Variants in MYO5A observed in about 807,000 individuals in gnomAD.
The protein encoded by MYO5A is unconventional myosin-Va.
In MYO5A, 98 loss-of-function variants were observed where a neutral mutation model predicts 249.7. That is an observed-to-expected ratio of 0.39 (90% CI 0.33 to 0.46). The LOEUF (loss-of-function observed/expected upper bound fraction) is 0.46. Among genes scored for constraint, MYO5A ranks in the 20% least tolerant of loss-of-function variants. The pLI is 0.98. For synonymous variants in MYO5A, 778 were observed against 810.6 expected (o/e 0.96, Z 0.68); for missense variants, 1,696 against 2,308.8 (o/e 0.73, Z 5.44).
intron 9 of MYO5A, among the ~76,000 whole-genome samples, chr15:52,399,511 A>C (rs564491683): frequency 5.1e-4 from 78 of 152,306 alleles, no homozygotes; most frequent in African/African-American, 1.9e-3. Flanking sequence ...TTTTGGCCTC[A>C]AAGTCTATTT....
intron 25 of MYO5A, among the ~76,000 whole-genome samples, chr15:52,359,704 A>C (rs983224623): frequency 6.6e-6 from 1 of 152,264 alleles, no homozygotes; most frequent in Non-Finnish European, 1.5e-5. Flanking sequence ...GAATTATAAA[A>C]ATAAAATCTC....
chr15:52,435,893 A>T (rs552271167), intron 1 of MYO5A, among the ~76,000 whole-genome samples: 2 of 152,344 alleles, frequency 1.3e-5, no homozygotes, highest in East Asian at 3.9e-4. Flanking sequence ...AGAAAACAGT[A>T]GGACAAATAG....
At chr15:52,369,320 T>A (rs561571884) in intron 22 of MYO5A, among the ~76,000 whole-genome samples, 5 of 152,330 alleles carry the variant, frequency 3.3e-5, no homozygotes, top group Admixed American at 6.5e-5. Flanking sequence ...CAACTCTGTT[T>A]TCATTTAAAG....
Position 52,341,268 on chromosome 15 carries a change from A to G in MYO5A, c.4041-874T>C, listed in dbSNP as rs2039370916. Among the ~76,000 whole-genome samples the G allele has an allele frequency of 3.3e-5, 5 of 152,226 alleles. No individual in the cohort carries two copies. In the South Asian group the frequency reaches 1.0e-3, roughly 31 times the overall value. ...TACAGATTTACCCGAATCCACACAAATAGTTCTGAAATTTCCTATATATAT... is the reference window on the plus strand; with the variant it reads ...TACAGATTTACCCGAATCCACACAAGTAGTTCTGAAATTTCCTATATATAT... On this transcript the variant is annotated intron_variant, in intron 31 of 41. Transcript: ENST00000399233.
At chr15:52,357,943 G>A (rs909870511) in intron 25 of MYO5A, among the ~76,000 whole-genome samples, 3 of 152,140 alleles carry the variant, frequency 2.0e-5, no homozygotes, top group African/African-American at 7.2e-5. Context: ...ACCACTACAG[G>A]CCTGGCAGTC....
At chr15:52,505,850 T>G (rs531096087) in intron 1 of MYO5A, 2 of 1,582,484 alleles carry the variant, frequency 1.3e-6, no homozygotes, top group Non-Finnish European at 1.7e-6. Flanking sequence ...GTGGCTGCTT[T>G]CAACAAGATC....
At chr15:52,505,829 A>G in intron 1 of MYO5A, 1 of 1,593,510 alleles carries the variant, frequency 6.3e-7, no homozygotes. Flanking sequence ...GACTATGTGC[A>G]GCCCATGGAT....
At chr15:52,433,999 C>CTTTT (rs398043307) in intron 1 of MYO5A, among the ~76,000 whole-genome samples, 1 of 127,306 alleles carries the variant, frequency 7.9e-6, no homozygotes, top group Non-Finnish European at 1.7e-5. Flanking sequence ...CTTTCTTTTT[C>CTTTT]TTTTTTTTTT....
intron 1 of MYO5A, among the ~76,000 whole-genome samples, chr15:52,513,510 T>A (rs2077437448): frequency 6.7e-6 from 1 of 149,860 alleles, no homozygotes; most frequent in East Asian, 2.0e-4. Context: ...CTGCAACCTC[T>A]ACCTCCTGGG....
intron 29 of MYO5A, among the ~76,000 whole-genome samples, chr15:52,347,697 A>G (rs2039711851): frequency 6.6e-6 from 1 of 152,206 alleles, no homozygotes; most frequent in Non-Finnish European, 1.5e-5. Flanking sequence ...AAGTTTATAA[A>G]TGCTTCCTCT....
chr15:52,473,646 C>T (rs563041187), intron 1 of MYO5A, among the ~76,000 whole-genome samples: 7 of 152,276 alleles, frequency 4.6e-5, no homozygotes, highest in African/African-American at 1.4e-4. Context: ...ATTAATTAAA[C>T]AAGGAATCCT....
intron 1 of MYO5A, among the ~76,000 whole-genome samples, chr15:52,471,203 T>G (rs1327142954): frequency 6.6e-6 from 1 of 152,188 alleles, no homozygotes; most frequent in Non-Finnish European, 1.5e-5. Flanking sequence ...ATAGTACAGT[T>G]ATCTTGTCCC....
Position 52,438,232 on chromosome 15 carries a change from G to T in MYO5A, c.28-4947C>A, listed in dbSNP as rs562164061. ...GCCGCAAAGCAAATACACATGGCAGGAATAGAACTAAACTTGTCCAGTCAC... is the reference window on the plus strand; with the variant it reads ...GCCGCAAAGCAAATACACATGGCAGTAATAGAACTAAACTTGTCCAGTCAC... On this transcript the variant is annotated intron_variant, in intron 1 of 41. Transcript: ENST00000399233. Among the ~76,000 whole-genome samples, 6 of 152,194 alleles carry T rather than the reference G, an allele frequency of 3.9e-5. No individual in the cohort carries two copies. In the East Asian group the frequency reaches 9.7e-4, roughly 25 times the overall value.
At position 52,416,303 on chromosome 15, in the gene MYO5A, T is replaced by A; in HGVS notation, c.456-2A>T. ...ATGATGGACTGATTTCGTTCATCTC[T>A]GTAAAATAAAAATTTTTTAAAAAGT... On this transcript the variant is annotated splice_acceptor_variant, in intron 4 of 41. Transcript: ENST00000399233. LOFTEE classifies it high-confidence loss of function. 1 of 1,613,822 alleles carries A rather than the reference T, an allele frequency of 6.2e-7. No individual in the cohort carries two copies. The highest frequency in any genetic ancestry group is 8.5e-7 in the Non-Finnish European group (1 of 1,179,842).
intron 1 of MYO5A, among the ~76,000 whole-genome samples, chr15:52,497,699 G>C (rs2077067544): frequency 1.4e-5 from 2 of 143,678 alleles, no homozygotes; most frequent in Admixed American, 7.1e-5. Flanking sequence ...GGAGGTTGCA[G>C]TGAGCCAAGA....
intron 1 of MYO5A, among the ~76,000 whole-genome samples, chr15:52,486,350 A>G (rs1473971184): frequency 6.6e-6 from 1 of 152,240 alleles, no homozygotes; most frequent in Non-Finnish European, 1.5e-5. Context: ...GAGTCAAAGT[A>G]GCTTGGTCAA....
intron 29 of MYO5A, 29 bp from the exon 30 acceptor site, chr15:52,346,490 T>C (rs1394533278): frequency 1.4e-6 from 2 of 1,379,980 alleles, no homozygotes; most frequent in Non-Finnish European, 2.1e-6. Flanking sequence ...ATTTACGCAT[T>C]AAGATTCAAC....
intron 34 of MYO5A, among the ~76,000 whole-genome samples, chr15:52,332,072 A>C (rs1392526959): frequency 6.6e-6 from 1 of 152,212 alleles, no homozygotes; most frequent in African/African-American, 2.4e-5. Flanking sequence ...ACAGATCATA[A>C]ACCTGCAGCT....
In MYO5A at chr15:52,340,405, G is replaced by A. The variant is rs376333167; in HGVS notation, c.4041-11C>T. On this transcript the variant is annotated splice_polypyrimidine_tract_variant and intron_variant, in intron 31 of 41. Coordinates refer to ENST00000399233, the MANE Select transcript of MYO5A (RefSeq NM_001382347.1). The stretch of plus-strand genomic sequence containing the variant: ...TGGGATTCCAGGAGCCTGCGGAGAG[G>A]ACACATGGGTCGGAAGGGGAGACGA... 2 of 1,610,604 alleles carry A rather than the reference G, an allele frequency of 1.2e-6. No homozygotes were observed. Among genetic ancestry groups the A allele is most frequent in the Non-Finnish European group, 8.5e-7 (1 of 1,179,914 alleles).
Sources: allele counts gnomAD v4.1 joint callset (sites outside exome capture counted in the v4.1 genomes callset), GRCh38; gene constraint gnomAD v4.1.1; transcripts MANE v1.5; gene names NCBI Gene and HGNC (gene_info 2026-07-23, HGNC 2026-07-21).